The following KDM2A variants were observed in gnomAD, a reference collection of about 807,000 sequenced individuals.
The protein encoded by KDM2A is lysine demethylase 2A, also known as lysine-specific demethylase 2A.
In KDM2A, 3 loss-of-function variants were observed where a neutral mutation model predicts 137.3. The observed-to-expected ratio is 0.02, with a 90% CI of 0.01 to 0.06. The LOEUF (loss-of-function observed/expected upper bound fraction) is 0.06, where lower values mean the gene tolerates loss of function less well. KDM2A is among the 10% of genes least tolerant of loss of function. The pLI is 1.00. For missense variants in KDM2A, 738 were observed against 1,510.6 expected, an observed-to-expected ratio of 0.49 and a Z score of 8.48; for synonymous variants, 512 against 541.5, an observed-to-expected ratio of 0.95 and a Z score of 0.76.
At chr11:67,221,600 A>G (rs1380522864) in intron 10 of KDM2A, among the ~76,000 whole-genome samples, 9 of 152,206 alleles carry the variant, frequency 5.9e-5, no homozygotes, top group African/African-American at 1.9e-4. Flanking sequence ...TTGCCCTACT[A>G]GTAGAATTAA....
At chr11:67,184,450 A>G (rs1316013360) in intron 5 of KDM2A, among the ~76,000 whole-genome samples, 1 of 152,166 alleles carries the variant, frequency 6.6e-6, no homozygotes, top group Non-Finnish European at 1.5e-5. Flanking sequence ...CAACATGGTG[A>G]AACCCCGTCT....
chr11:67,182,775 C>T (rs888229163), intron 5 of KDM2A, among the ~76,000 whole-genome samples: 2 of 152,144 alleles, frequency 1.3e-5, no homozygotes, highest in African/African-American at 4.8e-5. Flanking sequence ...TCAAGCAATC[C>T]GCCTGCCTTG....
intron 11 of KDM2A, among the ~76,000 whole-genome samples, chr11:67,230,012 T>C (rs1240522706): frequency 6.6e-6 from 1 of 151,808 alleles, no homozygotes; most frequent in Non-Finnish European, 1.5e-5. Flanking sequence ...CCGTCTCTAC[T>C]AAAAATACAA....
chr11:67,240,041 T>G (rs1056821059), intron 12 of KDM2A: 17 of 1,305,516 alleles, frequency 1.3e-5, no homozygotes, highest in Non-Finnish European at 1.9e-6. Context: ...CCTCCTGCCA[T>G]CTTCCGTTGC....
chr11:67,155,879 G>A (rs1260883741), intron 2 of KDM2A, among the ~76,000 whole-genome samples: 4 of 139,148 alleles, frequency 2.9e-5, no homozygotes, highest in Admixed American at 1.5e-4. Context: ...GCCTCCCAAA[G>A]TGCTGGGATT....
chr11:67,132,128 A>G (rs1348171211), intron 2 of KDM2A: 1 of 152,196 alleles, frequency 6.6e-6, no homozygotes, highest in Non-Finnish European at 1.5e-5. Flanking sequence ...AAGACAGCAT[A>G]AGCTTTATAC....
At chr11:67,235,750 A>AACTGG (rs1858853579) in intron 12 of KDM2A, among the ~76,000 whole-genome samples, 2 of 151,060 alleles carry the variant, frequency 1.3e-5, no homozygotes, top group South Asian at 4.2e-4. Flanking sequence ...GCCTCTGAGT[A>AACTGG]ACTGGGTCTA....
At chr11:67,142,284 G>A (rs1221279038) in intron 2 of KDM2A, among the ~76,000 whole-genome samples, 2 of 151,332 alleles carry the variant, frequency 1.3e-5, no homozygotes, top group Non-Finnish European at 1.5e-5. Flanking sequence ...TGATCCACCC[G>A]CCTTGGCCTC....
rs147770696 is a variant in KDM2A at position 67,134,878 on chromosome 11, C to G, written c.42+13520C>G. Among the ~76,000 whole-genome samples, 98 of 152,228 alleles carry G rather than the reference C, an allele frequency of 6.4e-4. 1 individual carries two copies. The highest frequency in any genetic ancestry group is 2.4e-3 in the African/African-American group (98 of 41,532). On this transcript the variant is annotated intron_variant, in intron 2 of 20. Coordinates refer to ENST00000529006, the MANE Select transcript of KDM2A (RefSeq NM_012308.3). ...ATTGTGTTTCCCACATCATGCTTTG[C>G]AAAAGTAAGCATGAAGCCCTTTTTC...
At chr11:67,207,471 G>A in intron 5 of KDM2A, 39 bp from the exon 6 acceptor site, 2 of 1,461,078 alleles carry the variant, frequency 1.4e-6, no homozygotes, top group Admixed American at 2.0e-5. Flanking sequence ...AAGGATATTA[G>A]TGGCTCGATA....
At chr11:67,202,102 C>T (rs1857641900) in intron 5 of KDM2A, among the ~76,000 whole-genome samples, 1 of 152,046 alleles carries the variant, frequency 6.6e-6, no homozygotes, top group Admixed American at 6.6e-5. Flanking sequence ...GAAGTAACTG[C>T]AAATGTGGTG....
intron 2 of KDM2A, among the ~76,000 whole-genome samples, chr11:67,146,035 A>T (rs1298508235): frequency 3.3e-4 from 48 of 144,474 alleles, no homozygotes; most frequent in African/African-American, 1.2e-3. Context: ...CTCTGTTGCC[A>T]GGCTGGAGTG....
chr11:67,193,501 C>G (rs1857405198), intron 5 of KDM2A, among the ~76,000 whole-genome samples: 1 of 152,304 alleles, frequency 6.6e-6, no homozygotes, highest in East Asian at 1.9e-4. Flanking sequence ...AAAGTTAATA[C>G]ACATAAAGTG....
At position 67,180,173 on chromosome 11, in the gene KDM2A, C is replaced by T; in HGVS notation, c.137C>T (p.Thr46Ile). ...RTFDLEEKLH[T>I]NKYNANFVTF... is the part of the protein sequence containing the mutation. ...TTTGACTTGGAAGAGAAACTGCACA[C>T]CAACAAATATAATGCCAATTTTGTT... The change falls in exon 3 of 21, where the codon ACC (threonine) becomes ATC (isoleucine). Residue 46 changes from threonine (T) to isoleucine (I), a missense_variant. Thr to Ile is a moderately conservative substitution (Grantham distance 89, BLOSUM62 -1). Around this residue, in one of 9 missense-constraint regions of KDM2A, gnomAD observed 74 missense variants for 181.8 expected, o/e 0.41. Transcript: ENST00000529006. 1 of 1,613,740 alleles carries T rather than the reference C, an allele frequency of 6.2e-7. No homozygotes were observed. Among genetic ancestry groups the T allele is most frequent in the Non-Finnish European group, 8.5e-7 (1 of 1,179,792 alleles).
At position 67,155,937 on chromosome 11, in the gene KDM2A, T is replaced by TAAAAA. The variant is rs770113717; in HGVS notation, c.43-24126_43-24122dup. Among the ~76,000 whole-genome samples the TAAAAA allele has an allele frequency of 3.1e-3, 322 of 104,244 alleles. 22 individuals carry two copies. Among genetic ancestry groups the TAAAAA allele is most frequent in the Middle Eastern group, 0.013 (2 of 154 alleles). The allele number at this position is 104,244 out of a possible 152,430, so 68.4% of individuals were successfully genotyped here. A position where few individuals can be genotyped will look rare whatever the true frequency, so the allele number is the denominator to read the frequency against. ...GGCCGGTTTTTATTTTTTAAACGGCTAAAAAAAAAAAAAAAAAAAATCACA... is the reference window on the plus strand; with the variant it reads ...GGCCGGTTTTTATTTTTTAAACGGCTAAAAAAAAAAAAAAAAAAAAAAAAATCACA... On this transcript the variant is annotated intron_variant, in intron 2 of 20. Coordinates refer to ENST00000529006, the MANE Select transcript of KDM2A (RefSeq NM_012308.3).
chr11:67,253,226 A>G (rs1859491044), intron 18 of KDM2A, among the ~76,000 whole-genome samples: 1 of 152,082 alleles, frequency 6.6e-6, no homozygotes, highest in Non-Finnish European at 1.5e-5. Flanking sequence ...ACAGGAAGTC[A>G]CTCCTTCTTG....
intron 2 of KDM2A, among the ~76,000 whole-genome samples, chr11:67,130,611 G>A (rs1855832050): frequency 6.6e-6 from 1 of 152,144 alleles, no homozygotes; most frequent in African/African-American, 2.4e-5. Flanking sequence ...CATGTAGATA[G>A]ACATACATTC....
At chr11:67,215,518 C>A in intron 7 of KDM2A, 72 bp downstream of exon 7, 1 of 966,678 alleles carries the variant, frequency 1.0e-6, no homozygotes, top group Non-Finnish European at 1.6e-6. Context: ...TTGGCTTCTC[C>A]CTTACGAGCT....
intron 15 of KDM2A, among the ~76,000 whole-genome samples, chr11:67,247,692 T>TGGGATTAC (rs1156928711): frequency 6.6e-6 from 1 of 152,192 alleles, no homozygotes; most frequent in Non-Finnish European, 1.5e-5. Context: ...CCCAAAGTGC[T>TGGGATTAC]GGGATTACAG....
Sources: allele counts gnomAD v4.1 joint callset (sites outside exome capture counted in the v4.1 genomes callset), GRCh38; gene constraint gnomAD v4.1.1; regional missense constraint gnomAD v4.1.1; transcripts MANE v1.5; gene names NCBI Gene and HGNC (gene_info 2026-07-23, HGNC 2026-07-21).